Variants in MSANTD1 observed in about 807,000 individuals in gnomAD.
The protein encoded by MSANTD1 is Myb/SANT DNA binding domain containing 1.
Under a neutral mutation model 24.2 loss-of-function variants are expected in MSANTD1, and 7 were observed. That is an observed-to-expected ratio of 0.29 (90% CI 0.16 to 0.54). MSANTD1 has a LOEUF of 0.54. MSANTD1 is among the 20% of genes least tolerant of loss of function. The probability of loss-of-function intolerance (pLI) is 0.94; values close to 1 mark genes in which losing one functional copy is unlikely to be tolerated. For missense variants in MSANTD1, 384 were observed against 408.2 expected, an observed-to-expected ratio of 0.94 and a Z score of 0.51; for synonymous variants, 177 against 181.1, an observed-to-expected ratio of 0.98 and a Z score of 0.18.
chr4:3,249,634 G>C (rs534537310), intron 1 of MSANTD1, 92 bp downstream of exon 1: 1 of 1,282,058 alleles, frequency 7.8e-7, no homozygotes, highest in Admixed American at 2.2e-5. Context: ...GAGTCGGGAC[G>C]ATGTGTGGGT....
chr4:3,249,421 C>G lies in MSANTD1; in HGVS notation c.199C>G (p.Gln67Glu). 6.2e-7 allele frequency: 1 copy of G among 1,607,330 alleles called. No individual in the cohort carries two copies. The highest frequency in any genetic ancestry group is 1.3e-5 in the African/African-American group (1 of 75,024). Residue 67 changes from glutamine (Q) to glutamate (E), a missense_variant, in exon 1 of 3, where the codon CAG becomes GAG. Physicochemically the swap from Gln to Glu is conservative, Grantham distance 29. Coordinates refer to ENST00000438480, the MANE Select transcript of MSANTD1 (RefSeq NM_001042690.2). Reference protein sequence around the residue: ...VWEEFFDELKQTKRNAKVYEK... With the variant: ...VWEEFFDELKETKRNAKVYEK... ...GGAGGAGTTCTTCGACGAGCTCAAG[C>G]AGACCAAGCGCAACGCCAAGGTGTA...
chr4:3,255,957 A>G lies in MSANTD1; in HGVS notation c.829A>G (p.Ser277Gly), dbSNP rs1722377123. Reference protein sequence around the residue: ...SLLERIITKSSV With the variant: ...SLLERIITKSGV The stretch of plus-strand genomic sequence containing the variant: ...GCTGGAGAGGATCATCACCAAGTCC[A>G]GCGTCTAGGCCAGCAGGCGGCGGCG... Residue 277 changes from serine (S) to glycine (G), a missense_variant, in exon 3 of 3, where the codon AGC becomes GGC. By Grantham distance (56) the Ser-to-Gly change is moderately conservative. Transcript: ENST00000438480. 6.5e-7 allele frequency: 1 copy of G among 1,535,794 alleles called. No homozygotes were observed. Among genetic ancestry groups the G allele is most frequent in the Non-Finnish European group, 8.8e-7 (1 of 1,140,614 alleles).
chr4:3,255,370 C>A (rs1227770199), intron 2 of MSANTD1, among the ~76,000 whole-genome samples: 1 of 151,886 alleles, frequency 6.6e-6, no homozygotes, highest in Non-Finnish European at 1.5e-5. Context: ...ATTACAGGCA[C>A]CCGCCACAAC....
chr4:3,255,962 C>G lies in MSANTD1; in HGVS notation c.834C>G (p.Val278=). ...LLERIITKSS[V] is the part of the protein sequence containing the mutation. The stretch of plus-strand genomic sequence containing the variant: ...AGAGGATCATCACCAAGTCCAGCGT[C>G]TAGGCCAGCAGGCGGCGGCGGCGGC... Residue 278 remains valine, a synonymous_variant, in exon 3 of 3, where the codon GTC becomes GTG. Coordinates refer to ENST00000438480, the MANE Select transcript of MSANTD1 (RefSeq NM_001042690.2). The G allele has an allele frequency of 6.5e-7, 1 of 1,527,188 alleles. No individual in the cohort carries two copies. The highest frequency in any genetic ancestry group is 8.8e-7 in the Non-Finnish European group (1 of 1,135,916). The allele number at this position is 1,527,188 out of a possible 1,614,324, so 94.6% of individuals were successfully genotyped here.
rs760567707 is a variant in MSANTD1, at chr4:3,249,242, C to A, written c.20C>A (p.Pro7Gln). MVRGAGPGPSLSALSHP... is the reference protein window; with the variant it reads MVRGAGQGPSLSALSHP... ...CCGCCCATGGTGCGTGGGGCCGGGCCGGGGCCCTCGCTGAGCGCGCTCTCT... is the reference window on the plus strand; with the variant it reads ...CCGCCCATGGTGCGTGGGGCCGGGCAGGGGCCCTCGCTGAGCGCGCTCTCT... Residue 7 changes from proline (P) to glutamine (Q), a missense_variant, in exon 1 of 3, where the codon CCG becomes CAG. Pro to Gln is a moderately conservative substitution (Grantham distance 76, BLOSUM62 -1). Transcript: ENST00000438480. The A allele has an allele frequency of 1.1e-4, 165 of 1,443,456 alleles. 2 individuals are homozygous for A. Among genetic ancestry groups the A allele is most frequent in the Middle Eastern group, 2.3e-4 (1 of 4,434 alleles). 89.4% of individuals were successfully genotyped at this position (1,443,456 alleles called of 1,614,324 possible).
chr4:3,245,175 T>C (rs1361830351), upstream of MSANTD1: 1 of 152,418 alleles, frequency 6.6e-6, no homozygotes, highest in African/African-American at 2.4e-5. Flanking sequence ...CGGGGTCCAG[T>C]GGGAAGCAGC....
chr4:3,254,775 T>C (rs1722336777), intron 2 of MSANTD1, among the ~76,000 whole-genome samples: 1 of 152,238 alleles, frequency 6.6e-6, no homozygotes, highest in Non-Finnish European at 1.5e-5. Flanking sequence ...CCCAGGCCTC[T>C]TGTGGGCCCC....
chr4:3,245,598 GTC>G (rs1721996933), upstream of MSANTD1, among the ~76,000 whole-genome samples: 4 of 152,238 alleles, frequency 2.6e-5, no homozygotes, highest in Admixed American at 2.0e-4. Context: ...GAGCCCACGA[GTC>G]TGGTCCATGA....
chr4:3,252,267 G>A (rs551747575), intron 1 of MSANTD1, among the ~76,000 whole-genome samples: 11 of 152,354 alleles, frequency 7.2e-5, no homozygotes, highest in African/African-American at 1.4e-4. Flanking sequence ...CTGTCTGGCC[G>A]CCATGGGGCC....
chr4:3,250,687 G>A (rs546273007), intron 1 of MSANTD1, among the ~76,000 whole-genome samples: 11 of 152,290 alleles, frequency 7.2e-5, no homozygotes, highest in African/African-American at 1.4e-4. Context: ...TGGGGCTGCC[G>A]GAGAGCCTGT....
chr4:3,246,893 G>C (rs1220132584), upstream of MSANTD1, among the ~76,000 whole-genome samples: 1 of 152,156 alleles, frequency 6.6e-6, no homozygotes, highest in African/African-American at 2.4e-5. Context: ...TTTTACCCTG[G>C]GAATGCTGCC....
intron 2 of MSANTD1, among the ~76,000 whole-genome samples, chr4:3,255,078 A>G (rs3135174): frequency 0.46 from 70,543 of 152,044 alleles, 16,909 homozygotes; most frequent in African/African-American, 0.56. Context: ...TGGTGGGTGA[A>G]GGGTGCTCCC....
At chr4:3,254,862 G>A (rs1722338472) in intron 2 of MSANTD1, among the ~76,000 whole-genome samples, 1 of 152,218 alleles carries the variant, frequency 6.6e-6, no homozygotes, top group Admixed American at 6.5e-5. Context: ...GGGAGATAAG[G>A]GGGCTCACAT....
intron 2 of MSANTD1, among the ~76,000 whole-genome samples, chr4:3,253,744 T>C (rs1006690180): frequency 2.6e-5 from 4 of 152,184 alleles, no homozygotes; most frequent in Non-Finnish European, 4.4e-5. Flanking sequence ...GTCTCCCTCC[T>C]ATAAAATGGG....
intron 1 of MSANTD1, 96 bp from the exon 2 acceptor site, chr4:3,253,111 T>C: frequency 7.7e-7 from 1 of 1,303,556 alleles, no homozygotes; most frequent in Non-Finnish European, 1.0e-6. Context: ...GGCTCCTGCC[T>C]GTGCCGGCGT....
At chr4:3,251,444 G>A (rs561093659) in intron 1 of MSANTD1, among the ~76,000 whole-genome samples, 4 of 152,152 alleles carry the variant, frequency 2.6e-5, no homozygotes, top group Non-Finnish European at 5.9e-5. Flanking sequence ...GTCTGGGCTG[G>A]CCAAGGGCTG....
At chr4:3,255,637 C>T (rs1188610916) in intron 2 of MSANTD1, 88 bp from the exon 3 acceptor site, 27 of 1,420,182 alleles carry the variant, frequency 1.9e-5, no homozygotes, top group Middle Eastern at 2.6e-4. Context: ...CCCATTTGCC[C>T]AGTAGGATTG....
intron 2 of MSANTD1, among the ~76,000 whole-genome samples, 153 bp downstream of exon 2, chr4:3,253,635 G>A (rs1407594734): frequency 2.0e-5 from 3 of 152,226 alleles, no homozygotes; most frequent in Non-Finnish European, 2.9e-5. Context: ...GGCGGCCTCA[G>A]ACCAGGGAGG....
At chr4:3,248,923 C>T (rs1371934904), upstream of MSANTD1, 1 of 320,450 alleles carries the variant, frequency 3.1e-6, no homozygotes, top group Non-Finnish European at 5.7e-6. Flanking sequence ...CGGCACTGAA[C>T]TGGGGGCCGA....
Sources: allele counts gnomAD v4.1 joint callset (sites outside exome capture counted in the v4.1 genomes callset), GRCh38; gene constraint gnomAD v4.1.1; transcripts MANE v1.5; gene names NCBI Gene and HGNC (gene_info 2026-07-23, HGNC 2026-07-21).